The following WDFY3 variants were observed in gnomAD, a reference collection of about 807,000 sequenced individuals.
WDFY3 encodes the protein WD repeat and FYVE domain containing 3, also known as WD repeat and FYVE domain-containing protein 3.
WDFY3 carries 66 observed loss-of-function variants against 409.6 expected under a neutral mutation model. The observed-to-expected ratio is 0.16, with a 90% CI of 0.13 to 0.20. The LOEUF is 0.20. Ranked by LOEUF, WDFY3 falls within the 10% of genes least tolerant of loss-of-function variation. The pLI is 1.00. For synonymous variants in WDFY3, 1,521 were observed against 1,537.1 expected (o/e 0.99, Z 0.25); for missense variants, 3,031 against 4,298.1 (o/e 0.71, Z 8.24).
rs201206234 is a variant in WDFY3 at position 84,679,031 on chromosome 4, G to T, written c.10035C>A (p.Gly3345=). ...CCTCTGAATAGTTCACAAATATGAA[G>T]CCGTCTTTCTCATCTAGACTGAGCT... is the stretch of plus-strand genomic sequence containing the variant. The part of the protein sequence containing the change: ...SDQLSLDEKD[G]FIFVNYSEGQ... Residue 3345 remains glycine (G), a synonymous_variant, in exon 65 of 68, where the codon GGC becomes GGA. Transcript: ENST00000295888. 6.1e-5 allele frequency: 99 copies of T among 1,614,106 alleles called. 1 individual carries two copies. Among genetic ancestry groups the T allele is most frequent in the Admixed American group, 2.8e-4 (17 of 60,010 alleles).
At chr4:84,750,626 G>T (rs1321521589) in intron 36 of WDFY3, among the ~76,000 whole-genome samples, 3 of 152,166 alleles carry the variant, frequency 2.0e-5, no homozygotes, top group Admixed American at 2.0e-4. Context: ...ATATGAATTG[G>T]TCAAAAGAAC....
chr4:84,844,877 C>T (rs1348136006), intron 5 of WDFY3, among the ~76,000 whole-genome samples: 6 of 152,158 alleles, frequency 3.9e-5, no homozygotes, highest in African/African-American at 1.4e-4. Context: ...AACTGAGTCA[C>T]TACTTACTTC....
intron 25 of WDFY3, 28 bp downstream of exon 25, chr4:84,782,935 T>C (rs780532942): frequency 8.1e-6 from 13 of 1,601,892 alleles, no homozygotes; most frequent in Non-Finnish European, 1.0e-5. Context: ...ATAAAGAAGT[T>C]TGAAACAACA....
Position 84,801,830 on chromosome 4 carries a change from A to T in WDFY3, c.2642T>A (p.Ile881Asn), listed in dbSNP as rs201437210. The T allele has an allele frequency of 1.9e-6, 3 of 1,614,066 alleles. No individual in the cohort carries two copies. The highest frequency in any genetic ancestry group is 2.5e-6 in the Non-Finnish European group (3 of 1,180,000). Reference protein sequence around the residue: ...ALDLQLAVANILQSLVHTERN... With the variant: ...ALDLQLAVANNLQSLVHTERN... The stretch of plus-strand genomic sequence containing the variant: ...TTCTGTGTGCACCAGGGATTGTAAA[A>T]TATTTGCCACGGCAAGTTGAAGATC... The change falls in exon 17 of 68, where the codon ATT (isoleucine) becomes AAT (asparagine). Residue 881 changes from isoleucine to asparagine, a missense_variant. Ile to Asn is a moderately radical substitution (Grantham distance 149). This residue lies in a region of WDFY3 where 1,322 missense variants were observed against 1,697.9 expected (regional missense o/e 0.78). Transcript: ENST00000295888.
chr4:84,885,469 G>A (rs1315134592), intron 3 of WDFY3, among the ~76,000 whole-genome samples: 1 of 151,558 alleles, frequency 6.6e-6, no homozygotes, highest in Non-Finnish European at 1.5e-5. Context: ...AAATATTTTG[G>A]CTTAGAAAGG....
At chr4:84,875,557 C>CT (rs1214136535) in intron 3 of WDFY3, among the ~76,000 whole-genome samples, 3 of 152,092 alleles carry the variant, frequency 2.0e-5, no homozygotes, top group Non-Finnish European at 4.4e-5. Context: ...TACTGAAACT[C>CT]TTACTTTATG....
At chr4:84,812,966 T>C (rs1752739849) in intron 13 of WDFY3, among the ~76,000 whole-genome samples, 1 of 152,186 alleles carries the variant, frequency 6.6e-6, no homozygotes, top group African/African-American at 2.4e-5. Context: ...CAAAATCAGC[T>C]ATATATTACT....
intron 6 of WDFY3, among the ~76,000 whole-genome samples, chr4:84,840,556 C>T (rs981598679): frequency 6.6e-6 from 1 of 151,932 alleles, no homozygotes; most frequent in African/African-American, 2.4e-5. Flanking sequence ...CATCTGTTTG[C>T]CCAGAATGCT....
chr4:84,890,110 TA>T (rs970089812), intron 3 of WDFY3, among the ~76,000 whole-genome samples: 3 of 152,136 alleles, frequency 2.0e-5, no homozygotes, highest in African/African-American at 7.2e-5. Flanking sequence ...AGCTTTTTTT[TA>T]TTTTTTTTTA....
intron 8 of WDFY3, among the ~76,000 whole-genome samples, chr4:84,830,998 C>A (rs1038600085): frequency 1.3e-5 from 2 of 151,760 alleles, no homozygotes; most frequent in Non-Finnish European, 2.9e-5. Flanking sequence ...ACCAGCCTGG[C>A]CAAGATGGTG....
intron 21 of WDFY3, among the ~76,000 whole-genome samples, chr4:84,790,218 C>T (rs1441771464): frequency 5.9e-5 from 9 of 151,766 alleles, no homozygotes; most frequent in Non-Finnish European, 1.0e-4. Flanking sequence ...GGTATGGTGG[C>T]GCGCGTCTGT....
At chr4:84,915,723 T>C (rs1297426021) in intron 2 of WDFY3, among the ~76,000 whole-genome samples, 2 of 152,122 alleles carry the variant, frequency 1.3e-5, no homozygotes, top group South Asian at 2.1e-4. Context: ...AAGAGAAAAA[T>C]ATGTGCACTC....
chr4:84,682,627 G>A (rs1384763119), intron 63 of WDFY3, 157 bp from the exon 64 acceptor site: 4 of 641,196 alleles, frequency 6.2e-6, no homozygotes, highest in South Asian at 2.0e-5. Flanking sequence ...ATGTGGCAGC[G>A]GGCTGCCTGC....
chr4:84,703,426 A>C (rs1731393912), intron 55 of WDFY3, among the ~76,000 whole-genome samples: 1 of 152,156 alleles, frequency 6.6e-6, no homozygotes, highest in Non-Finnish European at 1.5e-5. Flanking sequence ...TACCTGTCTT[A>C]CGATGCTCAC....
At position 84,905,190 on chromosome 4, in the gene WDFY3, G is replaced by C. The variant is rs149369151; in HGVS notation, c.-131-8180C>G. ...GTTTCTACTAAAAATACAAAAATTA[G>C]CTGGCCATCATGGCGTGTGCCTGTA... is the stretch of plus-strand genomic sequence containing the variant. On this transcript the variant is annotated intron_variant, in intron 2 of 67. Transcript: ENST00000295888. Among the ~76,000 whole-genome samples the C allele has an allele frequency of 4.3e-3, 652 of 152,242 alleles. 4 individuals are homozygous for C. The highest frequency in any genetic ancestry group is 0.015 in the African/African-American group (610 of 41,540).
intron 57 of WDFY3, 147 bp from the exon 58 acceptor site, chr4:84,696,329 C>G: frequency 2.7e-6 from 2 of 737,544 alleles, no homozygotes; most frequent in South Asian, 1.9e-5. Flanking sequence ...TGTGGTTTCA[C>G]TTTCTGAGGT....
At position 84,810,006 on chromosome 4, in the gene WDFY3, C is replaced by T. The variant is rs1752220206; in HGVS notation, c.2226G>A (p.Gln742=). ...SAMNVFPSNT[Q]PFQRLLEEDV... ...CTTCCTCTAAAAGTCTTTGAAATGG[C>T]TGTGTATTTGAGGGGAAGACATTCA... The change falls in exon 14 of 68, where the codon CAG becomes CAA. Residue 742 remains glutamine (Q), a synonymous_variant. Coordinates refer to ENST00000295888, the MANE Select transcript of WDFY3 (RefSeq NM_014991.6). 6.2e-7 allele frequency: 1 copy of T among 1,614,130 alleles called. No homozygotes were observed. The highest frequency in any genetic ancestry group is 8.5e-7 in the Non-Finnish European group (1 of 1,180,004).
chr4:84,925,992 G>A (rs758719605), intron 2 of WDFY3, among the ~76,000 whole-genome samples: 4 of 151,292 alleles, frequency 2.6e-5, no homozygotes, highest in Non-Finnish European at 5.9e-5. Flanking sequence ...GTAAGGGAGA[G>A]ACTAAACCAT....
intron 3 of WDFY3, among the ~76,000 whole-genome samples, chr4:84,874,412 CA>C (rs562359865): frequency 7.0e-6 from 1 of 142,402 alleles, no homozygotes. Context: ...GACTCTGTCT[CA>C]AAAAAAAAAC....
Sources: allele counts gnomAD v4.1 joint callset (sites outside exome capture counted in the v4.1 genomes callset), GRCh38; gene constraint gnomAD v4.1.1; regional missense constraint gnomAD v4.1.1; transcripts MANE v1.5; gene names NCBI Gene and HGNC (gene_info 2026-07-23, HGNC 2026-07-21).